Variants in KCNIP1 observed in about 807,000 individuals in gnomAD.
KCNIP1 encodes A-type potassium channel modulatory protein KCNIP1.
KCNIP1 carries 18 observed loss-of-function variants against 33.0 expected under a neutral mutation model. The observed-to-expected ratio is 0.55, with a 90% CI of 0.38 to 0.81. The LOEUF (loss-of-function observed/expected upper bound fraction) is 0.81, where lower values mean the gene tolerates loss of function less well. Among genes scored for constraint, KCNIP1 ranks in the 30% least tolerant of loss-of-function variants. KCNIP1 has a pLI of 0.00. For synonymous variants in KCNIP1, 93 were observed against 98.3 expected (o/e 0.95, Z 0.32); for missense variants, 238 against 271.6 (o/e 0.88, Z 0.87).
intron 1 of KCNIP1, among the ~76,000 whole-genome samples, chr5:170,655,894 GA>G (rs1231854566): frequency 6.6e-6 from 1 of 152,230 alleles, no homozygotes; most frequent in Non-Finnish European, 1.5e-5. Context: ...CACCCGGCAA[GA>G]AATTAGAAAA....
intron 1 of KCNIP1, among the ~76,000 whole-genome samples, chr5:170,559,206 T>C (rs1756946883): frequency 6.6e-6 from 1 of 152,220 alleles, no homozygotes; most frequent in South Asian, 2.1e-4. Flanking sequence ...GAAAACTTGA[T>C]AGAGGTAAAG....
At chr5:170,378,924 T>A in intron 1 of KCNIP1, 1 of 1,614,172 alleles carries the variant, frequency 6.2e-7, no homozygotes, top group Non-Finnish European at 8.5e-7. Flanking sequence ...CTTCTCCACG[T>A]CGGCCCGGGC....
intron 1 of KCNIP1, among the ~76,000 whole-genome samples, chr5:170,359,745 C>T (rs1175359489): frequency 6.6e-6 from 1 of 152,184 alleles, no homozygotes; most frequent in Non-Finnish European, 1.5e-5. Flanking sequence ...ACTGGCCTCA[C>T]CACCCTTGCC....
At chr5:170,447,715 T>C (rs759847287) in intron 1 of KCNIP1, among the ~76,000 whole-genome samples, 1 of 151,994 alleles carries the variant, frequency 6.6e-6, no homozygotes, top group African/African-American at 2.4e-5. Flanking sequence ...GAATTTATTT[T>C]AGTTTCTCAG....
chr5:170,398,943 A>C (rs989108083), intron 1 of KCNIP1, among the ~76,000 whole-genome samples: 1 of 152,246 alleles, frequency 6.6e-6, no homozygotes, highest in Non-Finnish European at 1.5e-5. Flanking sequence ...GATCTCACGC[A>C]GGAAATAATT....
At chr5:170,515,097 G>A (rs1755074259) in intron 1 of KCNIP1, among the ~76,000 whole-genome samples, 1 of 152,166 alleles carries the variant, frequency 6.6e-6, no homozygotes, top group Admixed American at 6.5e-5. Flanking sequence ...ATGCCTGGTG[G>A]AAGAACAGTG....
chr5:170,513,533 T>G (rs12109177), intron 1 of KCNIP1, among the ~76,000 whole-genome samples: 7 of 152,242 alleles, frequency 4.6e-5, no homozygotes, highest in African/African-American at 1.7e-4. Context: ...TCCTGAATCT[T>G]GACTCCACCA....
intron 1 of KCNIP1, among the ~76,000 whole-genome samples, chr5:170,682,641 A>G (rs372136744): frequency 1.5e-4 from 23 of 152,192 alleles, no homozygotes; most frequent in African/African-American, 5.5e-4. Flanking sequence ...TCCAAACTCA[A>G]CCTGCCAGTC....
intron 1 of KCNIP1, among the ~76,000 whole-genome samples, chr5:170,393,289 G>A (rs554060078): frequency 6.6e-6 from 1 of 152,268 alleles, no homozygotes; most frequent in South Asian, 2.1e-4. Context: ...GTTTATTTAA[G>A]TCTTTCTGAA....
chr5:170,377,583 T>G (rs1289371769), intron 1 of KCNIP1: 2 of 151,436 alleles, frequency 1.3e-5, no homozygotes, highest in Non-Finnish European at 2.9e-5. Context: ...TGTTTTTTGT[T>G]TTTTTTTTGA....
chr5:170,534,492 G>GAGGAGGAGA (rs869143043), intron 1 of KCNIP1, among the ~76,000 whole-genome samples: 14 of 85,124 alleles, frequency 1.6e-4, no homozygotes, highest in East Asian at 1.3e-3. Flanking sequence ...GGAGGAGGAG[G>GAGGAGGAGA]AGGAGGAGAA....
chr5:170,678,888 T>A (rs1262913904), intron 1 of KCNIP1: 1 of 152,220 alleles, frequency 6.6e-6, no homozygotes, highest in Non-Finnish European at 1.5e-5. Flanking sequence ...CTAGAAGAGA[T>A]ACAGCTAAGA....
chr5:170,674,168 GAAGGAAGGAAGGAAGGGAGGGAGGGA>G (rs1762034941), intron 1 of KCNIP1, among the ~76,000 whole-genome samples: 1 of 83,650 alleles, frequency 1.2e-5, no homozygotes, highest in African/African-American at 7.1e-5. Flanking sequence ...AGGAAGGAAG[GAAGGAAGGAAGGAAGGGAGGGAGGGA>G]GGGAGGGAGG....
intron 1 of KCNIP1, among the ~76,000 whole-genome samples, chr5:170,367,420 AGGAAAGAAAGAAAGAAAG>A (rs1561586965): frequency 1.1e-4 from 10 of 90,926 alleles, no homozygotes; most frequent in African/African-American, 2.4e-4. Flanking sequence ...AAAGAAAGAA[AGGAAAGAAAGAAAGAAAG>A]GAAAGAAAGG....
intron 4 of KCNIP1, 66 bp downstream of exon 4, chr5:170,721,969 A>C: frequency 5.5e-4 from 859 of 1,550,070 alleles, no homozygotes; most frequent in Non-Finnish European, 6.7e-4. Context: ...TCTAAATCTC[A>C]AGGCATTGGG....
At chr5:170,588,993 C>T (rs908868397) in intron 1 of KCNIP1, among the ~76,000 whole-genome samples, 8 of 127,020 alleles carry the variant, frequency 6.3e-5, no homozygotes, top group African/African-American at 2.3e-4. Flanking sequence ...CTCATACTTA[C>T]TTCTTTTTTT....
chr5:170,654,046 C>T (rs749671121), intron 1 of KCNIP1, among the ~76,000 whole-genome samples: 3 of 152,286 alleles, frequency 2.0e-5, no homozygotes, highest in African/African-American at 4.8e-5. Flanking sequence ...CCAACCTCTG[C>T]ACCAGTGCCC....
chr5:170,697,670 G>A (rs953834218), intron 1 of KCNIP1, among the ~76,000 whole-genome samples: 3 of 152,112 alleles, frequency 2.0e-5, no homozygotes, highest in Non-Finnish European at 4.4e-5. Flanking sequence ...CTAGCTCCTC[G>A]AGGATGCCAC....
At chr5:170,679,982 G>A (rs1459715130) in intron 1 of KCNIP1, among the ~76,000 whole-genome samples, 1 of 152,082 alleles carries the variant, frequency 6.6e-6, no homozygotes, top group Non-Finnish European at 1.5e-5. Context: ...CTGAATAAAT[G>A]GATATATACA....
Sources: gnomAD v4.1 joint callset for allele counts (sites outside exome capture counted in the v4.1 genomes callset) on GRCh38, gnomAD v4.1.1 for gene constraint, MANE v1.5 for transcripts, NCBI Gene and HGNC (gene_info 2026-07-23, HGNC 2026-07-21) for gene names.